Variants in C4orf36 observed in about 807,000 individuals in gnomAD.
The protein encoded by C4orf36 is uncharacterized protein C4orf36.
In C4orf36, 11 loss-of-function variants were observed where a neutral mutation model predicts 12.2. The ratio of observed to expected loss-of-function variants is 0.90; its 90% CI spans 0.57 to 1.49. The LOEUF is 1.49. Ranked by LOEUF, C4orf36 falls within the 40% of genes most tolerant of loss-of-function variation. The pLI is 0.00. For missense variants in C4orf36, 137 were observed against 133.9 expected, an observed-to-expected ratio of 1.02 and a Z score of -0.11; for synonymous variants, 54 against 51.3, an observed-to-expected ratio of 1.05 and a Z score of -0.22.
the C4orf36 span, among the ~76,000 whole-genome samples, chr4:86,921,419 G>A: frequency 1.8e-4 from 28 of 152,228 alleles, no homozygotes; most frequent in South Asian, 2.1e-4. Context: ...CCATGGTCTC[G>A]TCATCAGTTA....
At chr4:86,929,343 TTTTTA>T in the C4orf36 span, among the ~76,000 whole-genome samples, 5 of 152,164 alleles carry the variant, frequency 3.3e-5, no homozygotes, top group African/African-American at 7.2e-5. Context: ...CTGTGGCCTT[TTTTTA>T]TTTTATTTTT....
chr4:86,879,788 G>A (rs2166827), intron 4 of C4orf36, among the ~76,000 whole-genome samples: 55 of 151,572 alleles, frequency 3.6e-4, no homozygotes, highest in Middle Eastern at 3.5e-3. Context: ...AAAGCAGCAA[G>A]AGAAAAGTGA....
chr4:86,918,219 T>C, the C4orf36 span, among the ~76,000 whole-genome samples: 1 of 152,202 alleles, frequency 6.6e-6, no homozygotes, highest in Non-Finnish European at 1.5e-5. Flanking sequence ...GGGGTAAGGA[T>C]TTCAACATAT....
the C4orf36 span, among the ~76,000 whole-genome samples, chr4:86,907,959 GAA>G: frequency 2.8e-5 from 3 of 108,688 alleles, no homozygotes; most frequent in African/African-American, 3.4e-5. Context: ...CTGTGCCTCA[GAA>G]AAAAAAAAAA....
At chr4:86,897,298 T>C (rs940948092), upstream of C4orf36, among the ~76,000 whole-genome samples, 2 of 151,946 alleles carry the variant, frequency 1.3e-5, no homozygotes, top group African/African-American at 4.8e-5. Flanking sequence ...GAGGTGGAGG[T>C]TGCAGTGAGC....
chr4:86,908,180 C>T, the C4orf36 span, among the ~76,000 whole-genome samples: 1 of 84,316 alleles, frequency 1.2e-5, no homozygotes, highest in African/African-American at 6.5e-5. Flanking sequence ...CACACACACA[C>T]ACACACACAC....
At chr4:86,885,138 T>G (rs1413663599) in intron 4 of C4orf36, among the ~76,000 whole-genome samples, 1 of 152,192 alleles carries the variant, frequency 6.6e-6, no homozygotes, top group Non-Finnish European at 1.5e-5. Flanking sequence ...GCGTGATGCC[T>G]CCAGCTTTGT....
chr4:86,909,860 T>C, the C4orf36 span, among the ~76,000 whole-genome samples: 3 of 141,104 alleles, frequency 2.1e-5, no homozygotes, highest in African/African-American at 7.8e-5. Context: ...TAAGGTGATT[T>C]GGAGCCAGGT....
At chr4:86,897,756 T>TAC in the C4orf36 span, among the ~76,000 whole-genome samples, 1 of 151,954 alleles carries the variant, frequency 6.6e-6, no homozygotes, top group Non-Finnish European at 1.5e-5. Flanking sequence ...TGTTCCAAGA[T>TAC]ATAGCATGTG....
the C4orf36 span, among the ~76,000 whole-genome samples, chr4:86,923,290 T>C: frequency 6.6e-6 from 1 of 151,948 alleles, no homozygotes; most frequent in African/African-American, 2.4e-5. Context: ...GGGGTCTCAC[T>C]ATGTTGCCTA....
At chr4:86,905,872 G>A in the C4orf36 span, among the ~76,000 whole-genome samples, 1 of 151,910 alleles carries the variant, frequency 6.6e-6, no homozygotes, top group Non-Finnish European at 1.5e-5. Context: ...CCACCATCAC[G>A]CCCAGCTGAC....
At chr4:86,905,947 C>G in the C4orf36 span, among the ~76,000 whole-genome samples, 1 of 152,130 alleles carries the variant, frequency 6.6e-6, no homozygotes. Flanking sequence ...TCTTGAACTC[C>G]TGACCTCAAG....
the C4orf36 span, among the ~76,000 whole-genome samples, chr4:86,923,420 T>C: frequency 6.6e-6 from 1 of 152,102 alleles, no homozygotes; most frequent in Non-Finnish European, 1.5e-5. Context: ...ATCCTTTATC[T>C]GTCTTAATAG....
At chr4:86,914,872 T>C in the C4orf36 span, 3 of 386,232 alleles carry the variant, frequency 7.8e-6, no homozygotes, top group Non-Finnish European at 1.5e-5. Context: ...CCGGACGGGC[T>C]TGGAGTGGAG....
upstream of C4orf36, among the ~76,000 whole-genome samples, chr4:86,897,300 G>T (rs1747616376): frequency 6.6e-6 from 1 of 152,162 alleles, no homozygotes; most frequent in South Asian, 2.1e-4. Flanking sequence ...GGTGGAGGTT[G>T]CAGTGAGCTG....
At chr4:86,913,774 G>T in the C4orf36 span, 1 of 1,362,826 alleles carries the variant, frequency 7.3e-7, no homozygotes, top group South Asian at 1.2e-5. Flanking sequence ...GACATCAGCT[G>T]CCCAAAGGGC....
the C4orf36 span, among the ~76,000 whole-genome samples, chr4:86,926,808 C>T: frequency 1.3e-5 from 2 of 152,200 alleles, no homozygotes; most frequent in African/African-American, 4.8e-5. Context: ...GCCTGCCGTA[C>T]AATCCTCCAT....
the C4orf36 span, among the ~76,000 whole-genome samples, chr4:86,921,171 A>G: frequency 6.6e-6 from 1 of 152,172 alleles, no homozygotes; most frequent in African/African-American, 2.4e-5. Context: ...TTCTCAAAAA[A>G]AAAAAAAAAA....
chr4:86,878,081 TG>T (rs1397509310), intron 4 of C4orf36, among the ~76,000 whole-genome samples: 3 of 151,136 alleles, frequency 2.0e-5, no homozygotes, highest in Admixed American at 6.6e-5. Flanking sequence ...GAGTTGCATG[TG>T]TTTTTTTTTT....
Sources: gnomAD v4.1 joint callset for allele counts (sites outside exome capture counted in the v4.1 genomes callset) on GRCh38, gnomAD v4.1.1 for gene constraint, MANE v1.5 for transcripts, NCBI Gene and HGNC (gene_info 2026-07-23, HGNC 2026-07-21) for gene names.